Variants in RHPN2 observed in about 807,000 individuals in gnomAD.
The protein encoded by RHPN2 is rhophilin-2.
RHPN2 carries 40 observed loss-of-function variants against 79.0 expected under a neutral mutation model. The observed-to-expected ratio is 0.51, with a 90% CI of 0.39 to 0.66. The LOEUF (loss-of-function observed/expected upper bound fraction) is 0.66. RHPN2 is among the 30% of genes least tolerant of loss of function. RHPN2 has a pLI of 0.00. For synonymous variants in RHPN2, 285 were observed against 363.5 expected (o/e 0.78, Z 2.46); for missense variants, 686 against 883.5 (o/e 0.78, Z 2.83).
intron 6 of RHPN2, among the ~76,000 whole-genome samples, chr19:33,011,432 T>C (rs1213163768): frequency 6.6e-6 from 1 of 152,204 alleles, no homozygotes; most frequent in Non-Finnish European, 1.5e-5. Context: ...AAAATGTCTC[T>C]TCTCCTTGGC....
chr19:33,022,904 C>T, intron 3 of RHPN2, among the ~76,000 whole-genome samples: 1 of 152,138 alleles, frequency 6.6e-6, no homozygotes, highest in East Asian at 1.9e-4. Context: ...CTCCAGGCTA[C>T]TCAGGGCAGG....
chr19:33,061,088 G>C (rs899319298), intron 1 of RHPN2, among the ~76,000 whole-genome samples: 1 of 151,994 alleles, frequency 6.6e-6, no homozygotes, highest in Admixed American at 6.6e-5. Flanking sequence ...GCATGACCCT[G>C]AACTGCCTGG....
intron 3 of RHPN2, among the ~76,000 whole-genome samples, chr19:33,022,716 A>G (rs1211417323): frequency 6.6e-6 from 1 of 152,162 alleles, no homozygotes; most frequent in Non-Finnish European, 1.5e-5. Flanking sequence ...TAGCTCCCTG[A>G]CCTGTAACAG....
chr19:33,023,794 A>AG (rs1971944747), intron 3 of RHPN2, among the ~76,000 whole-genome samples: 1 of 151,368 alleles, frequency 6.6e-6, no homozygotes, highest in African/African-American at 2.4e-5. Flanking sequence ...CAAAAAAAAA[A>AG]AAAAAGAAAA....
chr19:33,052,123 A>T (rs7245411), intron 1 of RHPN2, among the ~76,000 whole-genome samples: 80,836 of 151,872 alleles, frequency 0.53, 25,314 homozygotes, highest in African/African-American at 0.85. Flanking sequence ...TTAAAAAAAA[A>T]ATATAAAACT....
chr19:33,054,188 T>C (rs1003061105), intron 1 of RHPN2, among the ~76,000 whole-genome samples: 3 of 143,202 alleles, frequency 2.1e-5, no homozygotes, highest in Non-Finnish European at 4.5e-5. Flanking sequence ...CTGCCCTTTT[T>C]TCTTCTTTGT....
chr19:32,985,672 C>G (rs532751010), intron 14 of RHPN2, among the ~76,000 whole-genome samples: 1 of 152,208 alleles, frequency 6.6e-6, no homozygotes, highest in Non-Finnish European at 1.5e-5. Flanking sequence ...CACTCTGTCA[C>G]GCAGGCTGGA....
At chr19:33,021,329 C>A (rs1971921991) in intron 4 of RHPN2, among the ~76,000 whole-genome samples, 2 of 152,182 alleles carry the variant, frequency 1.3e-5, no homozygotes, top group African/African-American at 4.8e-5. Flanking sequence ...AAGGCCATTG[C>A]AAGGGATACA....
At chr19:33,036,437 T>C (rs1343792585) in intron 2 of RHPN2, among the ~76,000 whole-genome samples, 1 of 152,094 alleles carries the variant, frequency 6.6e-6, no homozygotes, top group Admixed American at 6.6e-5. Context: ...GCCCAGGAGT[T>C]TGGGTCTGCA....
chr19:33,002,128 T>C lies in RHPN2; in HGVS notation c.1105+119A>G, dbSNP rs1326434016. The C allele has an allele frequency of 3.9e-6, 5 of 1,281,926 alleles. No individual in the cohort carries two copies. The East Asian group carries it at 1.0e-4, about 26-fold the overall frequency. 79.4% of individuals were successfully genotyped at this position (1,281,926 alleles called of 1,614,324 possible). The stretch of plus-strand genomic sequence containing the variant: ...CCTCAGTCATGGGTCACTCCCATCC[T>C]CTGCCTTCAGCCTGTGAGCATCTCC... On this transcript the variant is annotated intron_variant, in intron 9 of 14. Coordinates refer to ENST00000254260, the MANE Select transcript of RHPN2 (RefSeq NM_033103.5).
At position 32,998,690 on chromosome 19, in the gene RHPN2, G is replaced by A. The variant is rs189063381; in HGVS notation, c.1225+896C>T. On this transcript the variant is annotated intron_variant, in intron 10 of 14. Transcript: ENST00000254260. ...GGAAAGAGGAAAGGAGGGAGGACGG[G>A]TAGATGGGGAGGAGAGAGAGAGAAA... Among the ~76,000 whole-genome samples the A allele has an allele frequency of 5.8e-3, 465 of 80,144 alleles. 5 individuals carry two copies. The highest frequency in any genetic ancestry group is 8.9e-3 in the Non-Finnish European group (379 of 42,474). The allele number at this position is 80,144 out of a possible 152,430, so 52.6% of individuals were successfully genotyped here.
At chr19:32,987,956 G>A (rs1971623888) in intron 14 of RHPN2, among the ~76,000 whole-genome samples, 1 of 152,048 alleles carries the variant, frequency 6.6e-6, no homozygotes, top group Non-Finnish European at 1.5e-5. Context: ...GGAGGTGGGA[G>A]GATCGCTTAA....
At chr19:33,057,715 A>C (rs200141675) in intron 1 of RHPN2, among the ~76,000 whole-genome samples, 18 of 150,738 alleles carry the variant, frequency 1.2e-4, no homozygotes, top group Non-Finnish European at 2.4e-4. Context: ...AATAGACCTG[A>C]AAGGTTTCTT....
At position 32,978,680 on chromosome 19, in the gene RHPN2, T is replaced by G. The variant is rs1295310991; in HGVS notation, c.*1316A>C. 6.6e-6 allele frequency: 1 copy of G among 152,656 alleles called. No homozygotes were observed. The highest frequency in any genetic ancestry group is 2.4e-5 in the African/African-American group (1 of 41,462). 9.5% of individuals were successfully genotyped at this position (152,656 alleles called of 1,614,324 possible). A position where few individuals can be genotyped will look rare whatever the true frequency, so the allele number is the denominator to read the frequency against. On this transcript the variant is annotated 3_prime_UTR_variant, in exon 15 of 15. Transcript: ENST00000254260. Reference sequence around the variant, plus strand: ...ACTTTCCCAAAGGTGGTTGCTTCCTTTAAGATATTGCACAATAGAAAATAA... The same window carrying G: ...ACTTTCCCAAAGGTGGTTGCTTCCTGTAAGATATTGCACAATAGAAAATAA...
At position 33,044,479 on chromosome 19, in the gene RHPN2, A is replaced by T. The variant is rs1599832457; in HGVS notation, c.70-115T>A. 22 of 770,454 alleles carry T rather than the reference A, an allele frequency of 2.9e-5. No homozygotes were observed. In the East Asian group the frequency reaches 5.9e-4, roughly 21 times the overall value. The allele number at this position is 770,454 out of a possible 1,614,324, so 47.7% of individuals were successfully genotyped here. ...AAATAATCTTTTCTGAAAACAAAGC[A>T]TCTACATAGAAAATATTGAAAAGTA... On this transcript the variant is annotated intron_variant, in intron 1 of 14. Transcript: ENST00000254260.
chr19:33,044,079 C>T (rs562540772), intron 2 of RHPN2, among the ~76,000 whole-genome samples, 170 bp downstream of exon 2: 2 of 148,156 alleles, frequency 1.3e-5, no homozygotes, highest in Non-Finnish European at 3.0e-5. Context: ...CACAAACAGG[C>T]GGGGTAAAAT....
At chr19:33,028,431 A>T (rs1352773303) in intron 2 of RHPN2, among the ~76,000 whole-genome samples, 1 of 152,236 alleles carries the variant, frequency 6.6e-6, no homozygotes, top group Non-Finnish European at 1.5e-5. Flanking sequence ...TGCTGAGATT[A>T]CAGGCATGAG....
intron 1 of RHPN2, among the ~76,000 whole-genome samples, chr19:33,050,173 C>A (rs1436232574): frequency 1.3e-5 from 2 of 152,152 alleles, no homozygotes; most frequent in Admixed American, 6.6e-5. Flanking sequence ...TGGCCTTGAA[C>A]CTGGGAGGCT....
At chr19:33,025,642 G>C (rs1268430641) in intron 3 of RHPN2, among the ~76,000 whole-genome samples, 2 of 152,240 alleles carry the variant, frequency 1.3e-5, no homozygotes, top group Admixed American at 1.3e-4. Flanking sequence ...TCCCCTTACA[G>C]GGTCAATTTT....
Sources: allele counts gnomAD v4.1 joint callset (sites outside exome capture counted in the v4.1 genomes callset), GRCh38; gene constraint gnomAD v4.1.1; transcripts MANE v1.5; gene names NCBI Gene and HGNC (gene_info 2026-07-23, HGNC 2026-07-21).